POU2F2: variants seen among roughly 807,000 people sequenced by gnomAD.
POU2F2 encodes POU domain, class 2, transcription factor 2.
In POU2F2, 14 loss-of-function variants were observed where a neutral mutation model predicts 63.5. The observed-to-expected ratio is 0.22, with a 90% CI of 0.15 to 0.34. The LOEUF is 0.34. Among genes scored for constraint, POU2F2 ranks in the 10% least tolerant of loss-of-function variants. The pLI is 1.00. For missense variants in POU2F2, 607 were observed against 815.2 expected (o/e 0.74, Z 3.11); for synonymous variants, 306 against 348.6 (o/e 0.88, Z 1.36).
chr19:42,101,606 G>A (rs947490234), intron 5 of POU2F2, among the ~76,000 whole-genome samples: 1 of 152,146 alleles, frequency 6.6e-6, no homozygotes, highest in Admixed American at 6.6e-5. Flanking sequence ...TCAGAACTGT[G>A]AGGCAATATA....
chr19:42,124,427 G>A (rs181366843), intron 1 of POU2F2, among the ~76,000 whole-genome samples: 3 of 149,076 alleles, frequency 2.0e-5, no homozygotes, highest in Admixed American at 6.7e-5. Context: ...ATTATTCAAT[G>A]TGAAATGCTG....
At chr19:42,141,415 C>T (rs1011107277) in intron 2 of POU2F2, among the ~76,000 whole-genome samples, 2 of 151,354 alleles carry the variant, frequency 1.3e-5, no homozygotes. Context: ...CTCTAAGCCT[C>T]AAGCTCCTCA....
At chr19:42,118,474 T>C (rs1451431660) in intron 4 of POU2F2, among the ~76,000 whole-genome samples, 1 of 152,204 alleles carries the variant, frequency 6.6e-6, no homozygotes, top group African/African-American at 2.4e-5. Context: ...ACAAAAATAC[T>C]GGCATAATAA....
At chr19:42,154,427 G>C (rs564525233) in intron 2 of POU2F2, among the ~76,000 whole-genome samples, 1 of 152,220 alleles carries the variant, frequency 6.6e-6, no homozygotes, top group African/African-American at 2.4e-5. Flanking sequence ...CAAATGCAGA[G>C]AGCACGACAG....
chr19:42,194,166 T>C (rs1342435089), intron 1 of POU2F2, among the ~76,000 whole-genome samples: 4 of 150,756 alleles, frequency 2.7e-5, no homozygotes, highest in Non-Finnish European at 5.9e-5. Flanking sequence ...GCGGATCGCT[T>C]GAGCCCAGGA....
In POU2F2 at chr19:42,088,732, T is replaced by C. The variant is rs2076624974; in HGVS notation, c.*2525A>G. The C allele has an allele frequency of 6.6e-6, 1 of 152,560 alleles. No individual in the cohort carries two copies. The highest frequency in any genetic ancestry group is 6.5e-5 in the Admixed American group (1 of 15,282). The allele number at this position is 152,560 out of a possible 1,614,324, so 9.5% of individuals were successfully genotyped here. On this transcript the variant is annotated 3_prime_UTR_variant, in exon 15 of 15. Coordinates refer to ENST00000692977, the MANE Select transcript of POU2F2 (RefSeq NM_001394376.1). Reference sequence around the variant, plus strand: ...CCCTTCTCTCTTCAGGAAATAAACATGGACAAACTCAGAGGTAGGGTAAGG... The same window carrying C: ...CCCTTCTCTCTTCAGGAAATAAACACGGACAAACTCAGAGGTAGGGTAAGG...
Position 42,096,341 on chromosome 19 carries a change from G to T in POU2F2, c.568-98C>A. The T allele has an allele frequency of 6.2e-6, 8 of 1,284,170 alleles. No individual in the cohort carries two copies. The highest frequency in any genetic ancestry group is 8.3e-6 in the Non-Finnish European group (8 of 958,726). 79.5% of individuals were successfully genotyped at this position (1,284,170 alleles called of 1,614,324 possible). On this transcript the variant is annotated intron_variant, in intron 7 of 14. Coordinates refer to ENST00000692977, the MANE Select transcript of POU2F2 (RefSeq NM_001394376.1). The surrounding 1 kb of genome is among the most constrained non-coding windows in gnomAD (Gnocchi z 4.1). ...CCCCTCCCGCCCTCTTCGCCCCTGC[G>T]TTCCATCCGCCGCCTGCAGACTCCC...
chr19:42,115,051 G>A (rs1257241705), intron 5 of POU2F2, among the ~76,000 whole-genome samples: 1 of 152,154 alleles, frequency 6.6e-6, no homozygotes, highest in Non-Finnish European at 1.5e-5. Context: ...TCAGGAGGCT[G>A]AGGTGGGAGG....
chr19:42,166,974 A>T (rs2034664767), intron 1 of POU2F2, among the ~76,000 whole-genome samples: 2 of 152,178 alleles, frequency 1.3e-5, no homozygotes, highest in African/African-American at 4.8e-5. Context: ...AGTTCATTTG[A>T]CAAAACATTC....
chr19:42,187,760 A>G (rs1214345995), intron 1 of POU2F2, among the ~76,000 whole-genome samples: 1 of 140,440 alleles, frequency 7.1e-6, no homozygotes, highest in Non-Finnish European at 1.6e-5. Flanking sequence ...AGACTCCATC[A>G]CAAAAAAAAA....
chr19:42,179,737 A>T (rs1236351945), upstream of POU2F2, among the ~76,000 whole-genome samples: 1 of 152,118 alleles, frequency 6.6e-6, no homozygotes, highest in African/African-American at 2.4e-5. Context: ...CCTACACTGG[A>T]AGTGCGTAAC....
intron 1 of POU2F2, among the ~76,000 whole-genome samples, chr19:42,127,151 C>T (rs1193863089): frequency 6.6e-6 from 1 of 151,520 alleles, no homozygotes; most frequent in Non-Finnish European, 1.5e-5. Context: ...AGACGGGTCT[C>T]CTTATGTTGT....
chr19:42,186,176 T>A (rs935751043), intron 1 of POU2F2, among the ~76,000 whole-genome samples: 2 of 151,234 alleles, frequency 1.3e-5, no homozygotes, highest in African/African-American at 4.9e-5. Flanking sequence ...AAAAAAAAAA[T>A]TAGCCGGGTG....
intron 1 of POU2F2, among the ~76,000 whole-genome samples, chr19:42,182,153 A>C (rs2034967992): frequency 6.6e-6 from 1 of 151,988 alleles, no homozygotes. Context: ...GAGGCACAAG[A>C]ATCACTTGAA....
At chr19:42,195,168 G>C (rs1357500437) in intron 1 of POU2F2, among the ~76,000 whole-genome samples, 1 of 146,236 alleles carries the variant, frequency 6.8e-6, no homozygotes, top group Non-Finnish European at 1.5e-5. Flanking sequence ...AGAAGGGAGG[G>C]GGAATGGAGG....
chr19:42,195,079 G>A (rs868380603), intron 1 of POU2F2, among the ~76,000 whole-genome samples: 114 of 4,552 alleles, frequency 0.025, 1 homozygote, highest in East Asian at 0.047. Flanking sequence ...GGAAGGAAGG[G>A]AGGGAGGAAG....
At chr19:42,190,874 G>T (rs191407362) in intron 1 of POU2F2, among the ~76,000 whole-genome samples, 1 of 151,922 alleles carries the variant, frequency 6.6e-6, no homozygotes, top group Non-Finnish European at 1.5e-5. Context: ...TAGATGTAAC[G>T]GTAAAGTGGA....
intron 1 of POU2F2, among the ~76,000 whole-genome samples, chr19:42,194,144 T>C (rs1473001659): frequency 6.6e-6 from 1 of 151,800 alleles, no homozygotes; most frequent in Non-Finnish European, 1.5e-5. Flanking sequence ...CCCAGCACTT[T>C]AGGAGGCTGA....
At chr19:42,189,771 C>T (rs1009916384) in intron 1 of POU2F2, among the ~76,000 whole-genome samples, 17 of 152,136 alleles carry the variant, frequency 1.1e-4, no homozygotes, top group African/African-American at 3.9e-4. Context: ...ACTCTGTCAC[C>T]TAGGCTGGAG....
Sources: allele counts gnomAD v4.1 joint callset (sites outside exome capture counted in the v4.1 genomes callset), GRCh38; gene constraint gnomAD v4.1.1; non-coding constraint Gnocchi (gnomAD v3.1); transcripts MANE v1.5; gene names NCBI Gene and HGNC (gene_info 2026-07-23, HGNC 2026-07-21).